Variants in RASA3 observed in about 807,000 individuals in gnomAD.
RASA3 encodes the protein RAS p21 protein activator 3, also known as ras GTPase-activating protein 3.
A neutral mutation model predicts 110.0 loss-of-function variants in RASA3; 73 were observed. That is an observed-to-expected ratio of 0.66 (90% CI 0.55 to 0.81). RASA3 has a LOEUF of 0.81. Among genes scored for constraint, RASA3 ranks in the 30% least tolerant of loss-of-function variants. RASA3 has a pLI of 0.00. For synonymous variants in RASA3, 500 were observed against 451.4 expected, an observed-to-expected ratio of 1.11 and a Z score of -1.37; for missense variants, 976 against 1,113.2, an observed-to-expected ratio of 0.88 and a Z score of 1.75.
At chr13:114,095,861 A>G (rs745829638) in intron 1 of RASA3, among the ~76,000 whole-genome samples, 1 of 152,238 alleles carries the variant, frequency 6.6e-6, no homozygotes, top group Non-Finnish European at 1.5e-5. Context: ...AAATAAGTCC[A>G]ATCCTGAGTT....
chr13:114,104,906 C>T (rs2080113576), intron 1 of RASA3, among the ~76,000 whole-genome samples: 1 of 145,208 alleles, frequency 6.9e-6, no homozygotes, highest in Non-Finnish European at 1.5e-5. Context: ...CACACACGTT[C>T]GCCCCCTCCC....
chr13:114,064,148 C>T (rs1366703581), intron 2 of RASA3, among the ~76,000 whole-genome samples: 1 of 152,204 alleles, frequency 6.6e-6, no homozygotes, highest in African/African-American at 2.4e-5. Context: ...TGACTATGGA[C>T]CTGTGATCAG....
intron 1 of RASA3, among the ~76,000 whole-genome samples, chr13:114,117,109 A>T (rs1478925076): frequency 3.1e-5 from 3 of 97,944 alleles, no homozygotes; most frequent in African/African-American, 4.2e-5. Flanking sequence ...GTGTGAGGAG[A>T]GCACGTGTGT....
intron 1 of RASA3, chr13:114,077,717 C>A: frequency 2.4e-6 from 2 of 829,704 alleles, no homozygotes; most frequent in Non-Finnish European, 2.9e-6. Context: ...GCACCGGGTT[C>A]CTCCCTCCCT....
At chr13:113,998,889 G>C (rs550692476) in intron 20 of RASA3, among the ~76,000 whole-genome samples, 26 of 152,386 alleles carry the variant, frequency 1.7e-4, no homozygotes, top group African/African-American at 5.8e-4. Flanking sequence ...GGAAGAACGG[G>C]ACTGGACAGC....
intron 17 of RASA3, 61 bp from the exon 18 acceptor site, chr13:114,007,667 C>G (rs2053546943): frequency 1.4e-6 from 2 of 1,382,610 alleles, no homozygotes; most frequent in African/African-American, 2.9e-5. Context: ...GCACGGCTCT[C>G]TGTATAACAA....
At chr13:114,125,265 T>C (rs1480401403) in intron 1 of RASA3, among the ~76,000 whole-genome samples, 2 of 152,148 alleles carry the variant, frequency 1.3e-5, no homozygotes, top group African/African-American at 2.4e-5. Flanking sequence ...TGCATTGCTA[T>C]AAAGAAACAC....
intron 23 of RASA3, among the ~76,000 whole-genome samples, chr13:113,980,692 G>A (rs938063536): frequency 1.5e-4 from 23 of 152,250 alleles, no homozygotes; most frequent in Non-Finnish European, 2.8e-4. Context: ...TGATGTCAGA[G>A]GTGAAGTCAC....
chr13:114,013,322 CCT>C (rs1281552773), intron 14 of RASA3, 74 bp from the exon 15 acceptor site: 14 of 1,108,358 alleles, frequency 1.3e-5, no homozygotes, highest in East Asian at 2.5e-5. Flanking sequence ...GCCCCGGCCC[CCT>C]GAGGGTCCGC....
At chr13:114,035,973 G>C (rs1295566281) in intron 4 of RASA3, 1 of 152,272 alleles carries the variant, frequency 6.6e-6, no homozygotes, top group Non-Finnish European at 1.5e-5. Flanking sequence ...CTCCAAGGGG[G>C]AAACACGTAG....
In RASA3 at chr13:113,992,496, T is replaced by C. The variant is rs1176806246; in HGVS notation, c.2234A>G (p.Glu745Gly). ...CCGGGCAGACTCACCCTGCATCTTC[T>C]CCAGCTTGCTCATGTACAAGTTGAA... Reference protein sequence around the residue: ...SLFNLYMSKLEKMQEACGSKS... With the variant: ...SLFNLYMSKLGKMQEACGSKS... Residue 745 changes from glutamate to glycine, a missense_variant, in exon 22 of 24, where the codon GAG (glutamate) becomes GGG (glycine). Transcript: ENST00000334062. 6.2e-7 allele frequency: 1 copy of C among 1,612,984 alleles called. No homozygotes were observed. The highest frequency in any genetic ancestry group is 1.3e-5 in the African/African-American group (1 of 75,048).
chr13:114,052,196 C>T (rs769752416), intron 2 of RASA3, 41 bp from the exon 3 acceptor site: 31 of 1,388,486 alleles, frequency 2.2e-5, no homozygotes, highest in African/African-American at 2.9e-5. Context: ...ACACAGGCCA[C>T]GCTTGCGCCT....
chr13:114,117,670 T>C (rs1459459642), intron 1 of RASA3, among the ~76,000 whole-genome samples: 1 of 113,192 alleles, frequency 8.8e-6, no homozygotes, highest in Non-Finnish European at 1.8e-5. Context: ...GTGTGAGGGA[T>C]GCACGTGTGT....
intron 21 of RASA3, among the ~76,000 whole-genome samples, chr13:113,995,587 CCAGAGGCCCGG>C (rs1187849449): frequency 6.6e-6 from 1 of 151,644 alleles, no homozygotes; most frequent in Non-Finnish European, 1.5e-5. Flanking sequence ...TGTGCAACTG[CCAGAGGCCCGG>C]CTGATGGGGG....
Position 114,056,730 on chromosome 13 carries a change from A to T in RASA3, c.174-4575T>A. Reference sequence around the variant, plus strand: ...ATCCATTCAATAAAAAGAGATAAAAATAGCAGAAAGAGGAAGCTACAAGAA... The same window carrying T: ...ATCCATTCAATAAAAAGAGATAAAATTAGCAGAAAGAGGAAGCTACAAGAA... On this transcript the variant is annotated intron_variant, in intron 2 of 23. Transcript: ENST00000334062. This position sits in a 1 kb window ranked among gnomAD's most constrained non-coding sequence, Gnocchi z 5.7. 1 of 927,280 alleles carries T rather than the reference A, an allele frequency of 1.1e-6. No homozygotes were observed. The highest frequency in any genetic ancestry group is 1.3e-6 in the Non-Finnish European group (1 of 776,814). The allele number at this position is 927,280 out of a possible 1,614,324, so 57.4% of individuals were successfully genotyped here. A position where few individuals can be genotyped will look rare whatever the true frequency, so the allele number is the denominator to read the frequency against.
At chr13:114,131,076 G>A (rs920966069) in intron 1 of RASA3, among the ~76,000 whole-genome samples, 2 of 152,350 alleles carry the variant, frequency 1.3e-5, no homozygotes, top group Non-Finnish European at 2.9e-5. Context: ...ACTACTCAAA[G>A]CGGAAGTGCT....
At chr13:114,015,950 G>T (rs1316140028) in intron 13 of RASA3, among the ~76,000 whole-genome samples, 1 of 152,164 alleles carries the variant, frequency 6.6e-6, no homozygotes, top group African/African-American at 2.4e-5. Context: ...CACTCCAGGG[G>T]AGGAAGAGCT....
At chr13:114,076,093 C>T (rs2079677492) in intron 1 of RASA3, among the ~76,000 whole-genome samples, 3 of 152,154 alleles carry the variant, frequency 2.0e-5, no homozygotes, top group Non-Finnish European at 2.9e-5. Context: ...TCACTGCTTG[C>T]GGCCGTTTCC....
intron 21 of RASA3, among the ~76,000 whole-genome samples, chr13:113,995,741 C>CG (rs531099676): frequency 4.2e-4 from 6 of 14,404 alleles, no homozygotes; most frequent in Non-Finnish European, 4.6e-4. Context: ...GCCCGGCTGA[C>CG]GGGGGCCCGG....
Sources: allele counts gnomAD v4.1 joint callset (sites outside exome capture counted in the v4.1 genomes callset), GRCh38; gene constraint gnomAD v4.1.1; non-coding constraint Gnocchi (gnomAD v3.1); transcripts MANE v1.5; gene names NCBI Gene and HGNC (gene_info 2026-07-23, HGNC 2026-07-21).